SLC10A1: variants seen among roughly 807,000 people sequenced by gnomAD.
SLC10A1 encodes the protein hepatic sodium/bile acid cotransporter.
A neutral mutation model predicts 20.5 loss-of-function variants in SLC10A1; 36 were observed. That is an observed-to-expected ratio of 1.75 (90% CI 1.34 to 2.32). The LOEUF (loss-of-function observed/expected upper bound fraction) is 2.32, where lower values mean the gene tolerates loss of function less well. Ranked by LOEUF, SLC10A1 falls within the 30% of genes most tolerant of loss-of-function variation. The probability of loss-of-function intolerance (pLI) is 0.00; values close to 1 mark genes in which losing one functional copy is unlikely to be tolerated. For synonymous variants in SLC10A1, 188 were observed against 163.6 expected (o/e 1.15, Z -1.14); for missense variants, 545 against 439.1 (o/e 1.24, Z -2.16).
chr14:69,783,752 C>CAAAT (rs1414303809), intron 2 of SLC10A1, among the ~76,000 whole-genome samples: 1 of 151,990 alleles, frequency 6.6e-6, no homozygotes, highest in Non-Finnish European at 1.5e-5. Flanking sequence ...GATGAGAAGG[C>CAAAT]CATTTGAGTT....
chr14:69,779,043 C>T, intron 3 of SLC10A1, 139 bp downstream of exon 3: 2 of 625,564 alleles, frequency 3.2e-6, no homozygotes, highest in Admixed American at 3.0e-5. Flanking sequence ...TGCCTATAGT[C>T]CCAGTTACTT....
chr14:69,776,628 C>T (rs1045212082), intron 4 of SLC10A1, among the ~76,000 whole-genome samples: 2 of 152,312 alleles, frequency 1.3e-5, no homozygotes, highest in Middle Eastern at 3.4e-3. Context: ...TCTTCATCAT[C>T]ACTTCACTTC....
intron 4 of SLC10A1, among the ~76,000 whole-genome samples, chr14:69,777,684 G>A (rs1883482349): frequency 7.0e-6 from 1 of 142,700 alleles, no homozygotes; most frequent in African/African-American, 2.5e-5. Flanking sequence ...ATTTTGAAAG[G>A]TAATACTCTG....
intron 1 of SLC10A1, among the ~76,000 whole-genome samples, chr14:69,795,496 C>G (rs1410954276): frequency 6.7e-6 from 1 of 149,928 alleles, no homozygotes; most frequent in Non-Finnish European, 1.5e-5. Flanking sequence ...GCCTTGAACT[C>G]GTAGGCTCAA....
At chr14:69,778,731 T>C (rs529840936) in intron 3 of SLC10A1, among the ~76,000 whole-genome samples, 4 of 152,264 alleles carry the variant, frequency 2.6e-5, no homozygotes, top group African/African-American at 9.6e-5. Context: ...TTTTTTCAAG[T>C]CTAAAGTCTC....
rs1262144072 is a variant in SLC10A1 at position 69,778,396 on chromosome 14, G to A, written c.880C>T (p.Leu294Phe). The A allele has an allele frequency of 1.2e-6, 2 of 1,613,830 alleles. No homozygotes were observed. Among genetic ancestry groups the A allele is most frequent in the Admixed American group, 3.3e-5 (2 of 59,968 alleles). The change falls in exon 4 of 5, where the codon CTT becomes TTT. Residue 294 changes from leucine to phenylalanine, a missense_variant. Leu to Phe is a conservative substitution (Grantham distance 22). Coordinates refer to ENST00000216540, the MANE Select transcript of SLC10A1 (RefSeq NM_003049.4). Reference sequence around the variant, plus strand: ...GCAATGAGGAGAAGCCCTTCTCCAAGCTGGAAAATCATGTAGAGGAGGGGA... The same window carrying A: ...GCAATGAGGAGAAGCCCTTCTCCAAACTGGAAAATCATGTAGAGGAGGGGA... ...FFPLLYMIFQ[L>F]GEGLLLIAIF... is the part of the protein sequence containing the mutation.
intron 4 of SLC10A1, 141 bp from the exon 5 acceptor site, chr14:69,776,529 C>G (rs985873481): frequency 7.7e-6 from 5 of 653,354 alleles, no homozygotes; most frequent in Non-Finnish European, 1.3e-5. Context: ...TGTCGTCTCT[C>G]CCATGGTTTA....
intron 1 of SLC10A1, among the ~76,000 whole-genome samples, chr14:69,790,150 G>A (rs1258541495): frequency 6.6e-6 from 1 of 152,220 alleles, no homozygotes; most frequent in African/African-American, 2.4e-5. Context: ...ATATGAAGCC[G>A]AAAACCTGAT....
At chr14:69,794,881 G>A (rs2139723512) in intron 1 of SLC10A1, among the ~76,000 whole-genome samples, 1 of 152,298 alleles carries the variant, frequency 6.6e-6, no homozygotes, top group East Asian at 1.9e-4. Context: ...CTGCCTGGGT[G>A]GGGCCTAGAG....
chr14:69,795,139 A>G (rs1882364414), intron 1 of SLC10A1, among the ~76,000 whole-genome samples: 1 of 152,230 alleles, frequency 6.6e-6, no homozygotes, highest in South Asian at 2.1e-4. Flanking sequence ...CCTTGTCCAG[A>G]AGCCAGATCC....
At chr14:69,795,909 G>T (rs1882378841) in intron 1 of SLC10A1, among the ~76,000 whole-genome samples, 1 of 152,134 alleles carries the variant, frequency 6.6e-6, no homozygotes, top group Admixed American at 6.5e-5. Context: ...AAACCAGGGG[G>T]GACTGGCTTG....
intron 2 of SLC10A1, among the ~76,000 whole-genome samples, chr14:69,780,375 A>G (rs759294275): frequency 7.8e-6 from 1 of 128,142 alleles, no homozygotes; most frequent in Non-Finnish European, 1.6e-5. Flanking sequence ...TCTCCTGAGT[A>G]AAGAAATACT....
intron 1 of SLC10A1, among the ~76,000 whole-genome samples, chr14:69,795,946 G>T (rs1882379531): frequency 6.6e-6 from 1 of 152,214 alleles, no homozygotes; most frequent in African/African-American, 2.4e-5. Flanking sequence ...GAAAGCAAGA[G>T]CTTCTGCTAG....
Position 69,779,283 on chromosome 14 carries a change from C to G in SLC10A1, c.645G>C (p.Met215Ile). Reference sequence around the variant, plus strand: ...CAATCAAGAGTGGTGTCATGGCAAACATGATGCTCTTCCCCACATTGATGG... The same window carrying G: ...CAATCAAGAGTGGTGTCATGGCAAAGATGATGCTCTTCCCCACATTGATGG... ...LSAINVGKSI[M>I]FAMTPLLIAT... Residue 215 changes from methionine to isoleucine, a missense_variant, in exon 3 of 5, where the codon ATG becomes ATC. Met to Ile is a conservative substitution (Grantham distance 10). Transcript: ENST00000216540. 1 of 1,613,938 alleles carries G rather than the reference C, an allele frequency of 6.2e-7. No homozygotes were observed. The highest frequency in any genetic ancestry group is 8.5e-7 in the Non-Finnish European group (1 of 1,179,964).
Position 69,778,507 on chromosome 14 carries a change from C to G in SLC10A1, c.769G>C (p.Glu257Gln). The G allele has an allele frequency of 6.2e-7, 1 of 1,610,366 alleles. No homozygotes were observed. The change falls in exon 4 of 5, where the codon GAG becomes CAG. Residue 257 changes from glutamate (E) to glutamine (Q), a missense_variant. By Grantham distance (29) the Glu-to-Gln change is conservative. Coordinates refer to ENST00000216540, the MANE Select transcript of SLC10A1 (RefSeq NM_003049.4). ...NGRCRRTVSM[E>Q]TGCQNVQLCS... ...AGTTGGACATTTTGGCATCCAGTCT[C>G]CATGCTGACAGTGCGTCTGCACCTG... is the stretch of plus-strand genomic sequence containing the variant.
intron 1 of SLC10A1, 71 bp downstream of exon 1, chr14:69,796,729 C>T (rs1882391577): frequency 7.7e-7 from 1 of 1,294,806 alleles, no homozygotes; most frequent in Non-Finnish European, 1.1e-6. Flanking sequence ...TAGCCCAGCT[C>T]TTCCCCTCAA....
chr14:69,794,127 T>A (rs1179321502), intron 1 of SLC10A1, among the ~76,000 whole-genome samples: 1 of 152,230 alleles, frequency 6.6e-6, no homozygotes, highest in Admixed American at 6.5e-5. Flanking sequence ...TTCCTTCCAG[T>A]TCTAAATGGG....
At chr14:69,778,647 A>G (rs1883511100) in intron 3 of SLC10A1, 118 bp from the exon 4 acceptor site, 6 of 796,970 alleles carry the variant, frequency 7.5e-6, no homozygotes, top group Non-Finnish European at 1.2e-5. Context: ...GGACAGGGGT[A>G]CTTTGCTATT....
At chr14:69,789,051 A>C (rs1207406553) in intron 1 of SLC10A1, among the ~76,000 whole-genome samples, 1 of 152,208 alleles carries the variant, frequency 6.6e-6, no homozygotes, top group Non-Finnish European at 1.5e-5. Context: ...TATAATTAAA[A>C]AGCTGGACAA....
Sources: gnomAD v4.1 joint callset for allele counts (sites outside exome capture counted in the v4.1 genomes callset) on GRCh38, gnomAD v4.1.1 for gene constraint, MANE v1.5 for transcripts, NCBI Gene and HGNC (gene_info 2026-07-23, HGNC 2026-07-21) for gene names.